The following USP35 variants were observed in gnomAD, a reference collection of about 807,000 sequenced individuals.
USP35 encodes ubiquitin carboxyl-terminal hydrolase 35.
USP35 carries 69 observed loss-of-function variants against 83.8 expected under a neutral mutation model. The observed-to-expected ratio is 0.82, with a 90% CI of 0.68 to 1.01. USP35 has a LOEUF of 1.01. USP35 is among the 50% of genes least tolerant of loss of function. The pLI is 0.00. For missense variants in USP35, 1,503 were observed against 1,362.5 expected (o/e 1.10, Z -1.62); for synonymous variants, 714 against 589.5 (o/e 1.21, Z -3.06).
rs1474148211 is a variant in USP35, at chr11:78,197,926, C to T, written c.674-10C>T. Reference sequence around the variant, plus strand: ...CTCCCTGCTAAGCTCAGCCCTGTCCCCTGTTCCAGAGGAGGAGCCACCATC... The same window carrying T: ...CTCCCTGCTAAGCTCAGCCCTGTCCTCTGTTCCAGAGGAGGAGCCACCATC... On this transcript the variant is annotated splice_polypyrimidine_tract_variant and intron_variant, in intron 2 of 10. Coordinates refer to ENST00000529308, the MANE Select transcript of USP35 (RefSeq NM_020798.4). 1 of 1,613,706 alleles carries T rather than the reference C, an allele frequency of 6.2e-7. No homozygotes were observed. The highest frequency in any genetic ancestry group is 8.5e-7 in the Non-Finnish European group (1 of 1,179,812).
intron 10 of USP35, 32 bp from the exon 11 acceptor site, chr11:78,213,614 A>G: frequency 1.0e-6 from 1 of 967,502 alleles, no homozygotes; most frequent in African/African-American, 2.1e-5. Flanking sequence ...TGTGAATTCT[A>G]AGTCTAAGTC....
At chr11:78,230,355 G>T in the USP35 span, among the ~76,000 whole-genome samples, 1 of 152,064 alleles carries the variant, frequency 6.6e-6, no homozygotes, top group Non-Finnish European at 1.5e-5. Flanking sequence ...TTCAGCCCTG[G>T]TCTTGCATTA....
chr11:78,195,316 C>T (rs1157744695), intron 1 of USP35, among the ~76,000 whole-genome samples: 1 of 152,110 alleles, frequency 6.6e-6, no homozygotes, highest in Non-Finnish European at 1.5e-5. Context: ...AAGACGCTTG[C>T]TTGGTTGTGT....
chr11:78,195,687 G>T (rs1350698723), intron 1 of USP35, among the ~76,000 whole-genome samples: 1 of 152,170 alleles, frequency 6.6e-6, no homozygotes, highest in Non-Finnish European at 1.5e-5. Flanking sequence ...GGAGGCTCAC[G>T]TAGCCTTTGT....
Position 78,213,943 on chromosome 11 carries a change from A to G in USP35, c.*130A>G. On this transcript the variant is annotated 3_prime_UTR_variant, in exon 11 of 11. Transcript: ENST00000529308. ...GGCACCTTAGTCCTCAGCCTGATGA[A>G]GGGTACACAGAGATTCTCTCAGATA... 1 of 1,015,960 alleles carries G rather than the reference A, an allele frequency of 9.8e-7. No homozygotes were observed. The highest frequency in any genetic ancestry group is 1.4e-6 in the Non-Finnish European group (1 of 734,648). The allele number at this position is 1,015,960 out of a possible 1,614,324, so 62.9% of individuals were successfully genotyped here. A position where few individuals can be genotyped will look rare whatever the true frequency, so the allele number is the denominator to read the frequency against.
At position 78,208,912 on chromosome 11, in the gene USP35, G is replaced by T. The variant is rs773955117; in HGVS notation, c.1541G>T (p.Ser514Ile). 5 of 1,614,236 alleles carry T rather than the reference G, an allele frequency of 3.1e-6. No homozygotes were observed. Among genetic ancestry groups the T allele is most frequent in the Non-Finnish European group, 4.2e-6 (5 of 1,180,036 alleles). The change falls in exon 9 of 11, where the codon AGC (serine) becomes ATC (isoleucine). Residue 514 changes from serine (S) to isoleucine (I), a missense_variant. Coordinates refer to ENST00000529308, the MANE Select transcript of USP35 (RefSeq NM_020798.4). ...FLSASWTPWF[S>I]PGTQQDCSEY... Reference sequence around the variant, plus strand: ...TCCGCATCCTGGACGCCCTGGTTCAGCCCTGGCACCCAGCAGGACTGCTCG... The same window carrying T: ...TCCGCATCCTGGACGCCCTGGTTCATCCCTGGCACCCAGCAGGACTGCTCG...
At chr11:78,193,924 G>A (rs1403075016) in intron 1 of USP35, among the ~76,000 whole-genome samples, 2 of 152,170 alleles carry the variant, frequency 1.3e-5, no homozygotes, top group Admixed American at 6.5e-5. Flanking sequence ...TTGACCTCCT[G>A]GGCTCGCCAC....
rs533391761 is a variant in USP35, at chr11:78,210,377, G to A, written c.2522G>A (p.Arg841His). 22 of 1,613,490 alleles carry A rather than the reference G, an allele frequency of 1.4e-5. No homozygotes were observed. The highest frequency in any genetic ancestry group is 9.9e-5 in the South Asian group (9 of 91,080). ...LLLRLPLAGG[R>H]GQAYDLCSVV... Reference sequence around the variant, plus strand: ...CTCCGCCTGCCACTGGCTGGTGGCCGTGGCCAGGCCTATGACCTCTGCAGT... The same window carrying A: ...CTCCGCCTGCCACTGGCTGGTGGCCATGGCCAGGCCTATGACCTCTGCAGT... The change falls in exon 10 of 11, where the codon CGT becomes CAT. Residue 841 changes from arginine to histidine, a missense_variant. Arg to His is a conservative substitution (Grantham distance 29). Coordinates refer to ENST00000529308, the MANE Select transcript of USP35 (RefSeq NM_020798.4).
At chr11:78,191,572 C>T (rs1257824238) in intron 1 of USP35, among the ~76,000 whole-genome samples, 8 of 152,154 alleles carry the variant, frequency 5.3e-5, no homozygotes, top group Non-Finnish European at 1.2e-4. Context: ...TCCTCTAGGA[C>T]ACATGCCTCT....
intron 1 of USP35, among the ~76,000 whole-genome samples, chr11:78,191,356 G>A (rs1274726546): frequency 1.3e-5 from 2 of 152,212 alleles, no homozygotes; most frequent in African/African-American, 4.8e-5. Flanking sequence ...GGAGTGTGCT[G>A]GTGTTGCTGG....
In USP35 at chr11:78,209,908, G is replaced by A. The variant is rs750074439; in HGVS notation, c.2053G>A (p.Glu685Lys). Residue 685 changes from glutamate (E) to lysine (K), a missense_variant, in exon 10 of 11, where the codon GAG (glutamate) becomes AAG (lysine). Coordinates refer to ENST00000529308, the MANE Select transcript of USP35 (RefSeq NM_020798.4). ...ERIEREEEGK[E>K]ERTEKEEVGE... is the part of the protein sequence containing the mutation. ...GATAGAGAGGGAGGAAGAAGGGAAG[G>A]AGGAGAGAACGGAGAAGGAAGAAGT... 2.5e-6 allele frequency: 4 copies of A among 1,601,682 alleles called. No individual in the cohort carries two copies. The highest frequency in any genetic ancestry group is 1.1e-5 in the South Asian group (1 of 89,906).
chr11:78,215,261 G>C (rs1864061988), downstream of USP35: 1 of 152,516 alleles, frequency 6.6e-6, no homozygotes, highest in African/African-American at 2.4e-5. Context: ...CCACCACCAA[G>C]CCCCTCAAGA....
chr11:78,191,032 G>T (rs191215511), intron 1 of USP35, among the ~76,000 whole-genome samples: 6 of 152,294 alleles, frequency 3.9e-5, no homozygotes, highest in African/African-American at 1.4e-4. Flanking sequence ...GGGCATGGAC[G>T]GAATGGTGCT....
chr11:78,196,644 C>T lies in USP35; in HGVS notation c.399C>T (p.Cys133=). The T allele has an allele frequency of 7.3e-7, 1 of 1,375,086 alleles. No homozygotes were observed. 85.2% of individuals were successfully genotyped at this position (1,375,086 alleles called of 1,614,324 possible). The change falls in exon 2 of 11, where the codon TGC becomes TGT. Residue 133 remains cysteine (C), a synonymous_variant. Coordinates refer to ENST00000529308, the MANE Select transcript of USP35 (RefSeq NM_020798.4). The surrounding 1 kb of genome is among the most constrained non-coding windows in gnomAD (Gnocchi z 4.8). The part of the protein sequence containing the change: ...LLRREVLRTV[C]ERPGPAACAQ... ...GGCGCGAGGTGCTGCGCACCGTGTG[C>T]GAGCGCCCGGGCCCCGCGGCCTGCG...
chr11:78,189,674 G>A (rs1237736438), intron 1 of USP35, among the ~76,000 whole-genome samples: 1 of 152,196 alleles, frequency 6.6e-6, no homozygotes, highest in Non-Finnish European at 1.5e-5. Flanking sequence ...GTGGAGTGCG[G>A]CCCTCACAGG....
At chr11:78,213,573 T>G in intron 10 of USP35, 73 bp from the exon 11 acceptor site, 1 of 1,405,392 alleles carries the variant, frequency 7.1e-7, no homozygotes, top group South Asian at 1.8e-5. Flanking sequence ...TGAAAGGTGT[T>G]GTGCTGGGTA....
rs1221114282 is a variant in USP35, at chr11:78,210,036, T to G, written c.2181T>G (p.Ala727=). 1 of 1,613,324 alleles carries G rather than the reference T, an allele frequency of 6.2e-7. No individual in the cohort carries two copies. Among genetic ancestry groups the G allele is most frequent in the African/African-American group, 1.3e-5 (1 of 74,770 alleles). The change falls in exon 10 of 11, where the codon GCT becomes GCG. Residue 727 remains alanine, a synonymous_variant. Transcript: ENST00000529308. ...EKVEKETEKE[A]EQEKEEDSLG... ...TGGAGAAGGAGACAGAAAAGGAGGC[T>G]GAGCAGGAAAAGGAAGAAGACAGCC...
downstream of USP35, chr11:78,216,062 C>T (rs1590930011): frequency 6.5e-6 from 1 of 152,674 alleles, no homozygotes; most frequent in East Asian, 1.9e-4. Context: ...CCCAATCCCC[C>T]AGAAAGAAGT....
chr11:78,215,357 C>T (rs1331172243), downstream of USP35: 1 of 152,558 alleles, frequency 6.6e-6, no homozygotes, highest in African/African-American at 2.4e-5. Context: ...AAGGGACCTG[C>T]AAGCTCCAAG....
Sources: allele counts gnomAD v4.1 joint callset (sites outside exome capture counted in the v4.1 genomes callset), GRCh38; gene constraint gnomAD v4.1.1; non-coding constraint Gnocchi (gnomAD v3.1); transcripts MANE v1.5; gene names NCBI Gene and HGNC (gene_info 2026-07-23, HGNC 2026-07-21).